Variants in SMAD2 observed in about 807,000 individuals in gnomAD.
SMAD2 encodes MAD homolog 2.
A neutral mutation model predicts 64.4 loss-of-function variants in SMAD2; 8 were observed. That is an observed-to-expected ratio of 0.12 (90% CI 0.07 to 0.22). The LOEUF (loss-of-function observed/expected upper bound fraction) is 0.22. SMAD2 is among the 10% of genes least tolerant of loss of function. The pLI, the probability that SMAD2 is intolerant of heterozygous loss-of-function variation, is 1.00. For missense variants in SMAD2, 289 were observed against 561.2 expected (o/e 0.51, Z 4.90); for synonymous variants, 203 against 195.8 (o/e 1.04, Z -0.31).
intron 7 of SMAD2, among the ~76,000 whole-genome samples, chr18:47,850,287 TTATGTATA>T (rs1231961250): frequency 6.0e-5 from 3 of 50,212 alleles, no homozygotes; most frequent in African/African-American, 2.7e-4. Context: ...ATTATATATA[TTATGTATA>T]ATATATATTA....
chr18:47,858,960 AC>A (rs1184423459), intron 6 of SMAD2, among the ~76,000 whole-genome samples: 1 of 152,146 alleles, frequency 6.6e-6, no homozygotes, highest in African/African-American at 2.4e-5. Flanking sequence ...CAACTAAAAG[AC>A]AAAAATTGTT....
chr18:47,833,306 AAT>A lies in SMAD2; in HGVS notation c.*8519_*8520del, dbSNP rs1482871289. ...TAAGCAGAACTTTTTTTGTACTTTAAATAGACTAAAATATTTGGTGTAGGTGG... is the reference window on the plus strand; with the variant it reads ...TAAGCAGAACTTTTTTTGTACTTTAAAGACTAAAATATTTGGTGTAGGTGG... On this transcript the variant is annotated 3_prime_UTR_variant, in exon 11 of 11. Coordinates refer to ENST00000262160, the MANE Select transcript of SMAD2 (RefSeq NM_005901.6). 4.6e-6 allele frequency: 1 copy of A among 217,736 alleles called. No individual in the cohort carries two copies. The highest frequency in any genetic ancestry group is 9.2e-6 in the Non-Finnish European group (1 of 108,304). 13.5% of individuals were successfully genotyped at this position (217,736 alleles called of 1,614,324 possible).
chr18:47,905,041 T>C (rs7237544), intron 1 of SMAD2, among the ~76,000 whole-genome samples: 87,402 of 152,012 alleles, frequency 0.57, 25,473 homozygotes, highest in East Asian at 0.8. Context: ...AAAGAAAAGA[T>C]AGACTGGAAA....
At chr18:47,908,907 C>T (rs1260021507) in intron 1 of SMAD2, among the ~76,000 whole-genome samples, 1 of 152,120 alleles carries the variant, frequency 6.6e-6, no homozygotes, top group Non-Finnish European at 1.5e-5. Flanking sequence ...GAGATCCATA[C>T]GATGTGCCAC....
chr18:47,873,222 T>C (rs547415218), intron 2 of SMAD2, among the ~76,000 whole-genome samples: 3 of 152,168 alleles, frequency 2.0e-5, no homozygotes, highest in South Asian at 2.1e-4. Flanking sequence ...CCCCCTTAGA[T>C]AGTGAGAGTT....
intron 6 of SMAD2, among the ~76,000 whole-genome samples, chr18:47,858,582 T>C (rs527984692): frequency 6.6e-6 from 1 of 152,340 alleles, no homozygotes; most frequent in South Asian, 2.1e-4. Context: ...CTTTGGGGTT[T>C]ATATATTTTT....
intron 2 of SMAD2, among the ~76,000 whole-genome samples, chr18:47,891,081 G>T (rs1268563705): frequency 2.0e-5 from 3 of 151,998 alleles, no homozygotes; most frequent in African/African-American, 7.3e-5. Flanking sequence ...GAGGCGGGCG[G>T]GTCACCTGAG....
chr18:47,829,889 G>A lies in SMAD2; in HGVS notation c.*11938C>T, dbSNP rs1390404241. The A allele has an allele frequency of 6.6e-6, 1 of 152,174 alleles. No homozygotes were observed. The highest frequency in any genetic ancestry group is 1.5e-5 in the Non-Finnish European group (1 of 68,026). 9.4% of individuals were successfully genotyped at this position (152,174 alleles called of 1,614,324 possible). On this transcript the variant is annotated 3_prime_UTR_variant, in exon 11 of 11. Transcript: ENST00000262160. ...CTAAGCTAACAACCAAACTTTCAGAGTATAAAATTTTGTCAGTGGTTTTCA... is the reference window on the plus strand; with the variant it reads ...CTAAGCTAACAACCAAACTTTCAGAATATAAAATTTTGTCAGTGGTTTTCA...
chr18:47,836,782 A>C lies in SMAD2; in HGVS notation c.*5045T>G. 4.5e-6 allele frequency: 1 copy of C among 220,182 alleles called. No homozygotes were observed. The allele number at this position is 220,182 out of a possible 1,614,324, so 13.6% of individuals were successfully genotyped here. On this transcript the variant is annotated 3_prime_UTR_variant, in exon 11 of 11. Transcript: ENST00000262160. ...CGTAAATGCTATCATGAGGCTATCTAGTATAGCTCATATTTCCTGGTTGTA... is the reference window on the plus strand; with the variant it reads ...CGTAAATGCTATCATGAGGCTATCTCGTATAGCTCATATTTCCTGGTTGTA...
In SMAD2 at chr18:47,822,218, T is replaced by G. The variant is rs1003855539; in HGVS notation, c.*19609A>C. ...TTTGCCACAAAAATAACCAAAACTC[T>G]TTGTCTATTTCTGGTTATGGTAAAC... On this transcript the variant is annotated 3_prime_UTR_variant, in exon 11 of 11. Transcript: ENST00000262160. 2 of 152,232 alleles carry G rather than the reference T, an allele frequency of 1.3e-5. No individual in the cohort carries two copies. The highest frequency in any genetic ancestry group is 2.9e-5 in the Non-Finnish European group (2 of 68,038). 9.4% of individuals were successfully genotyped at this position (152,232 alleles called of 1,614,324 possible). A position where few individuals can be genotyped will look rare whatever the true frequency, so the allele number is the denominator to read the frequency against.
At chr18:47,850,126 G>C (rs1430913728) in intron 7 of SMAD2, among the ~76,000 whole-genome samples, 1 of 129,566 alleles carries the variant, frequency 7.7e-6, no homozygotes, top group Admixed American at 9.7e-5. Context: ...TGAACTCATG[G>C]TTATGAAGGG....
At chr18:47,888,557 A>C (rs971661130) in intron 2 of SMAD2, among the ~76,000 whole-genome samples, 8 of 152,208 alleles carry the variant, frequency 5.3e-5, no homozygotes, top group Non-Finnish European at 8.8e-5. Context: ...CAAGCTTTCA[A>C]TCAAAATCCC....
chr18:47,833,280 T>C lies in SMAD2; in HGVS notation c.*8547A>G. 1 of 217,336 alleles carries C rather than the reference T, an allele frequency of 4.6e-6. No individual in the cohort carries two copies. The highest frequency in any genetic ancestry group is 9.3e-6 in the Non-Finnish European group (1 of 107,680). The allele number at this position is 217,336 out of a possible 1,614,324, so 13.5% of individuals were successfully genotyped here. A position where few individuals can be genotyped will look rare whatever the true frequency, so the allele number is the denominator to read the frequency against. ...CACAGGACATGTAAGCAATGTTTTC[T>C]TAAGCAGAACTTTTTTTGTACTTTA... is the stretch of plus-strand genomic sequence containing the variant. On this transcript the variant is annotated 3_prime_UTR_variant, in exon 11 of 11. Transcript: ENST00000262160.
chr18:47,869,374 C>T lies in SMAD2; in HGVS notation c.389G>A (p.Arg130Gln), dbSNP rs372254986. The T allele has an allele frequency of 1.3e-4, 209 of 1,612,676 alleles. No homozygotes were observed. The highest frequency in any genetic ancestry group is 1.7e-4 in the Non-Finnish European group (198 of 1,179,684). ...RKGLPHVIYC[R>Q]LWRWPDLHSH... ...GTGAAGATCAGGCCAGCGCCATAAT[C>T]GGCAATATATAACATGTGGCAATCC... Residue 130 changes from arginine (R) to glutamine (Q), a missense_variant, in exon 4 of 11, where the codon CGA becomes CAA. Coordinates refer to ENST00000262160, the MANE Select transcript of SMAD2 (RefSeq NM_005901.6).
At chr18:47,866,316 C>CA (rs34302955) in intron 5 of SMAD2, among the ~76,000 whole-genome samples, 17,981 of 42,348 alleles carry the variant, frequency 0.42, 3,619 homozygotes, top group East Asian at 0.67. Context: ...AACACCGTCT[C>CA]AAAAAAAAAA....
At chr18:47,908,302 G>A (rs2144507636) in intron 1 of SMAD2, among the ~76,000 whole-genome samples, 1 of 152,284 alleles carries the variant, frequency 6.6e-6, no homozygotes, top group African/African-American at 2.4e-5. Flanking sequence ...ATGAGGCACT[G>A]ACAAAATGGT....
chr18:47,868,482 T>C, intron 4 of SMAD2, 25 bp from the exon 5 acceptor site: 3 of 1,606,454 alleles, frequency 1.9e-6, no homozygotes, highest in Non-Finnish European at 2.6e-6. Flanking sequence ...GAAATCCAAG[T>C]TAATGGCAAA....
chr18:47,875,352 C>T (rs1025600526), intron 2 of SMAD2, among the ~76,000 whole-genome samples: 1 of 152,100 alleles, frequency 6.6e-6, no homozygotes, highest in African/African-American at 2.4e-5. Context: ...CTTTGTGTAC[C>T]ACCCAGCAAA....
chr18:47,836,032 T>C lies in SMAD2; in HGVS notation c.*5795A>G, dbSNP rs1053697941. On this transcript the variant is annotated 3_prime_UTR_variant, in exon 11 of 11. Coordinates refer to ENST00000262160, the MANE Select transcript of SMAD2 (RefSeq NM_005901.6). ...AAGCAATGGTGAAGTTCTGGATTCA[T>C]TATGGATCTCATGGCACCAAACCAA... 1.4e-5 allele frequency: 3 copies of C among 213,838 alleles called. No homozygotes were observed. Among genetic ancestry groups the C allele is most frequent in the African/African-American group, 4.5e-5 (2 of 44,234 alleles). The allele number at this position is 213,838 out of a possible 1,614,324, so 13.2% of individuals were successfully genotyped here. A position where few individuals can be genotyped will look rare whatever the true frequency, so the allele number is the denominator to read the frequency against.
Sources: allele counts gnomAD v4.1 joint callset (sites outside exome capture counted in the v4.1 genomes callset), GRCh38; gene constraint gnomAD v4.1.1; transcripts MANE v1.5; gene names NCBI Gene and HGNC (gene_info 2026-07-23, HGNC 2026-07-21).